Variants in HDAC4 observed in about 807,000 individuals in gnomAD.
HDAC4 encodes histone deacetylase A.
In HDAC4, 16 loss-of-function variants were observed where a neutral mutation model predicts 135.1. The observed-to-expected ratio is 0.12, with a 90% confidence interval of 0.08 to 0.18. The LOEUF (loss-of-function observed/expected upper bound fraction) is 0.18, where lower values mean the gene tolerates loss of function less well. HDAC4 is among the 10% of genes least tolerant of loss of function. The probability of loss-of-function intolerance (pLI) is 1.00; values close to 1 mark genes in which losing one functional copy is unlikely to be tolerated. For missense variants in HDAC4, 1,143 were observed against 1,511.8 expected, an observed-to-expected ratio of 0.76 and a Z score of 4.05; for synonymous variants, 685 against 653.4, an observed-to-expected ratio of 1.05 and a Z score of -0.74.
chr2:239,340,773 C>T (rs1559372787), intron 2 of HDAC4, among the ~76,000 whole-genome samples: 1 of 152,186 alleles, frequency 6.6e-6, no homozygotes, highest in East Asian at 1.9e-4. Flanking sequence ...CCCTGCAGTC[C>T]TCGGCCCAAG....
intron 11 of HDAC4, among the ~76,000 whole-genome samples, chr2:239,128,889 C>T (rs1016130590): frequency 6.6e-5 from 10 of 152,162 alleles, no homozygotes; most frequent in Admixed American, 2.6e-4. Flanking sequence ...ACAAGCGACT[C>T]GAGCCAGCGG....
At chr2:239,214,726 T>A (rs2046532419) in intron 3 of HDAC4, among the ~76,000 whole-genome samples, 1 of 152,224 alleles carries the variant, frequency 6.6e-6, no homozygotes. Context: ...AAATGTACAA[T>A]CCAACAATCT....
At position 239,349,945 on chromosome 2, in the gene HDAC4, T is replaced by C. The variant is rs1693000230; in HGVS notation, c.22+2733A>G. Among the ~76,000 whole-genome samples the C allele has an allele frequency of 6.6e-6, 1 of 151,922 alleles. No individual in the cohort carries two copies. Among genetic ancestry groups the C allele is most frequent in the South Asian group, 2.1e-4 (1 of 4,806 alleles). On this transcript the variant is annotated intron_variant, in intron 2 of 26. Transcript: ENST00000543185. The surrounding 1 kb of genome is among the most constrained non-coding windows in gnomAD (Gnocchi z 5.7). ...AGAATGGAGAGGTCGTGGGTGGCAA[T>C]AAGGCGCACACAACCCAACTCACAT...
intron 2 of HDAC4, among the ~76,000 whole-genome samples, chr2:239,291,979 C>T (rs2051533716): frequency 1.3e-5 from 2 of 152,252 alleles, no homozygotes; most frequent in Non-Finnish European, 2.9e-5. Context: ...CTGGTGTGTG[C>T]ACACAGCCCA....
chr2:239,091,152 C>G (rs2036469593), intron 17 of HDAC4: 1 of 152,282 alleles, frequency 6.6e-6, no homozygotes, highest in South Asian at 2.1e-4. Context: ...TTTAGGCACA[C>G]CAGAAATTTC....
intron 4 of HDAC4, among the ~76,000 whole-genome samples, chr2:239,183,572 CGTGCAT>C (rs1481169756): frequency 1.3e-5 from 2 of 152,238 alleles, no homozygotes; most frequent in African/African-American, 4.8e-5. Flanking sequence ...CCCACTGCCA[CGTGCAT>C]GTGCCTCTGC....
At chr2:239,066,247 C>T (rs1161175352) in intron 24 of HDAC4, among the ~76,000 whole-genome samples, 1 of 152,186 alleles carries the variant, frequency 6.6e-6, no homozygotes, top group Non-Finnish European at 1.5e-5. Flanking sequence ...CAGCAGGGAG[C>T]CCTGTCCCTG....
At chr2:239,174,808 T>A (rs1043166309) in intron 5 of HDAC4, among the ~76,000 whole-genome samples, 1 of 152,194 alleles carries the variant, frequency 6.6e-6, no homozygotes, top group Non-Finnish European at 1.5e-5. Context: ...TAATAGATAA[T>A]GAATGACCTC....
At chr2:239,372,270 G>A (rs1694675356) in intron 1 of HDAC4, among the ~76,000 whole-genome samples, 1 of 152,190 alleles carries the variant, frequency 6.6e-6, no homozygotes, top group Admixed American at 6.5e-5. Flanking sequence ...AGCCGGCACT[G>A]GAAGGGCCCA....
intron 22 of HDAC4, among the ~76,000 whole-genome samples, chr2:239,073,640 T>A (rs1260645432): frequency 6.6e-6 from 1 of 152,154 alleles, no homozygotes; most frequent in East Asian, 1.9e-4. Flanking sequence ...GGTCCCAGAG[T>A]GAGAGGTTTC....
intron 4 of HDAC4, among the ~76,000 whole-genome samples, chr2:239,182,881 T>C (rs1045357067): frequency 3.3e-5 from 5 of 152,164 alleles, no homozygotes; most frequent in African/African-American, 1.2e-4. Flanking sequence ...GTACTTATTC[T>C]CCATGGGAAC....
intron 6 of HDAC4, among the ~76,000 whole-genome samples, chr2:239,160,724 C>T (rs1575237309): frequency 1.3e-5 from 2 of 152,258 alleles, no homozygotes; most frequent in East Asian, 1.9e-4. Flanking sequence ...TTTGCGCGGC[C>T]GTTCCCCTGT....
intron 9 of HDAC4, among the ~76,000 whole-genome samples, chr2:239,138,896 T>C (rs978726656): frequency 2.0e-5 from 3 of 152,234 alleles, no homozygotes; most frequent in Non-Finnish European, 4.4e-5. Flanking sequence ...CCTCCGAGTA[T>C]GGTCAGTGTG....
intron 2 of HDAC4, among the ~76,000 whole-genome samples, chr2:239,282,851 CT>C (rs1203197494): frequency 4.6e-5 from 7 of 151,452 alleles, no homozygotes; most frequent in African/African-American, 1.2e-4. Flanking sequence ...GTACATACCA[CT>C]CTACAATGTA....
intron 2 of HDAC4, among the ~76,000 whole-genome samples, chr2:239,336,899 A>G (rs1454811549): frequency 6.6e-6 from 1 of 152,154 alleles, no homozygotes; most frequent in African/African-American, 2.4e-5. Flanking sequence ...ATTCCACATC[A>G]CACTTAGGTG....
At position 239,159,864 on chromosome 2, in the gene HDAC4, G is replaced by A. The variant is rs1031513420; in HGVS notation, c.612-3091C>T. Among the ~76,000 whole-genome samples, 9 of 152,376 alleles carry A rather than the reference G, an allele frequency of 5.9e-5. No individual in the cohort carries two copies. The South Asian group carries it at 1.4e-3, about 25-fold the overall frequency. On this transcript the variant is annotated intron_variant, in intron 6 of 26. Coordinates refer to ENST00000543185, the MANE Select transcript of HDAC4 (RefSeq NM_001378414.1). ...GGACACAGACGCTGGGCCAGGAGCC[G>A]AGGTGCAGCCCCCACGGGGCCCTGG...
chr2:239,120,644 G>T (rs1163016147), intron 12 of HDAC4, among the ~76,000 whole-genome samples: 1 of 137,906 alleles, frequency 7.3e-6, no homozygotes, highest in Non-Finnish European at 1.6e-5. Flanking sequence ...AGGGGTGGGG[G>T]AGGAAGGCTA....
chr2:239,275,702 C>A (rs1196745124), intron 2 of HDAC4, among the ~76,000 whole-genome samples: 2 of 152,092 alleles, frequency 1.3e-5, no homozygotes, highest in Non-Finnish European at 2.9e-5. Context: ...AGGCTGGGGG[C>A]CTCTGCAGTG....
intron 3 of HDAC4, among the ~76,000 whole-genome samples, chr2:239,198,758 G>A (rs1340687683): frequency 2.0e-5 from 3 of 152,100 alleles, no homozygotes; most frequent in Non-Finnish European, 4.4e-5. Context: ...GTGAGCTTAT[G>A]ACCTTTCTCT....
Sources: allele counts gnomAD v4.1 joint callset (sites outside exome capture counted in the v4.1 genomes callset), GRCh38; gene constraint gnomAD v4.1.1; non-coding constraint Gnocchi (gnomAD v3.1); transcripts MANE v1.5; gene names NCBI Gene and HGNC (gene_info 2026-07-23, HGNC 2026-07-21).